COG5: variants seen among roughly 807,000 people sequenced by gnomAD.
The protein encoded by COG5 is component of oligomeric golgi complex 5, also known as conserved oligomeric Golgi complex subunit 5.
In COG5, 86 loss-of-function variants were observed where a neutral mutation model predicts 110.4. That is an observed-to-expected ratio of 0.78 (90% CI 0.65 to 0.93). The LOEUF (loss-of-function observed/expected upper bound fraction) is 0.93. COG5 is among the 40% of genes least tolerant of loss of function. The pLI is 0.00. For missense variants in COG5, 1,077 were observed against 987.0 expected (o/e 1.09, Z -1.22); for synonymous variants, 360 against 334.6 (o/e 1.08, Z -0.83).
At chr7:107,301,883 C>T (rs913574076) in intron 11 of COG5, among the ~76,000 whole-genome samples, 2 of 151,950 alleles carry the variant, frequency 1.3e-5, no homozygotes, top group Admixed American at 1.3e-4. Context: ...AAAAAATGAC[C>T]ATATCAAATA....
chr7:107,542,429 T>A (rs150579973), intron 5 of COG5, among the ~76,000 whole-genome samples: 10 of 152,302 alleles, frequency 6.6e-5, no homozygotes, highest in Admixed American at 2.0e-4. Context: ...TGATAGCATA[T>A]GTGGTATAAC....
intron 10 of COG5, among the ~76,000 whole-genome samples, chr7:107,332,508 G>A (rs1360666037): frequency 6.6e-6 from 1 of 151,996 alleles, no homozygotes; most frequent in Non-Finnish European, 1.5e-5. Flanking sequence ...GGGATGAAGA[G>A]GAGGAGGAAT....
At chr7:107,394,634 G>T (rs919704110) in intron 7 of COG5, among the ~76,000 whole-genome samples, 35 of 152,154 alleles carry the variant, frequency 2.3e-4, no homozygotes, top group African/African-American at 7.7e-4. Flanking sequence ...AAAGCCATAG[G>T]CTAATATGAG....
chr7:107,226,077 A>C (rs1188284850), intron 19 of COG5, among the ~76,000 whole-genome samples: 1 of 152,132 alleles, frequency 6.6e-6, no homozygotes, highest in Non-Finnish European at 1.5e-5. Flanking sequence ...AAAATAGTAG[A>C]GGTCATACCA....
chr7:107,462,543 A>G (rs1796060338), intron 6 of COG5, among the ~76,000 whole-genome samples: 1 of 151,574 alleles, frequency 6.6e-6, no homozygotes. Flanking sequence ...CCCAGAGGGA[A>G]AGGCAACAAC....
intron 6 of COG5, among the ~76,000 whole-genome samples, chr7:107,445,589 G>A (rs895470166): frequency 4.6e-5 from 7 of 152,088 alleles, no homozygotes; most frequent in Non-Finnish European, 8.8e-5. Flanking sequence ...AAACTAACTA[G>A]CAAGTACTTA....
At chr7:107,475,085 G>C in intron 6 of COG5, 1 of 1,612,884 alleles carries the variant, frequency 6.2e-7, no homozygotes, top group Non-Finnish European at 8.5e-7. Flanking sequence ...TTAGGCCCAA[G>C]TGACCTTTTA....
At chr7:107,498,648 T>C (rs1242144024) in intron 6 of COG5, among the ~76,000 whole-genome samples, 2 of 152,092 alleles carry the variant, frequency 1.3e-5, no homozygotes, top group East Asian at 3.8e-4. Context: ...AACAGACACG[T>C]GCTGGTGAGG....
intron 7 of COG5, among the ~76,000 whole-genome samples, chr7:107,382,743 G>T (rs977921019): frequency 2.6e-5 from 4 of 152,128 alleles, no homozygotes; most frequent in African/African-American, 9.7e-5. Context: ...CCAGCCTAAA[G>T]TCTATTTTTC....
rs780715317 is a variant in COG5, at chr7:107,352,011, CAT to C, written c.1026+10020_1026+10021del. ...ACGCTGCTATAAAGACACATGCACA[CAT>C]GTTTATTGCGGCACTATTCACAATA... On this transcript the variant is annotated intron_variant, in intron 10 of 21. Transcript: ENST00000297135. 2.5e-4 allele frequency among the ~76,000 whole-genome samples: 33 copies of C among 134,002 alleles called. 2 individuals are homozygous for C. The highest frequency in any genetic ancestry group is 7.6e-4 in the Admixed American group (10 of 13,124). 87.9% of individuals were successfully genotyped at this position (134,002 alleles called of 152,430 possible).
chr7:107,273,293 G>A (rs1463545828), intron 14 of COG5, among the ~76,000 whole-genome samples: 2 of 152,154 alleles, frequency 1.3e-5, no homozygotes, highest in African/African-American at 2.4e-5. Flanking sequence ...ATGAGTACAG[G>A]TATATCTTTA....
chr7:107,220,873 A>AGT (rs1799874219), intron 19 of COG5, among the ~76,000 whole-genome samples: 2 of 142,566 alleles, frequency 1.4e-5, no homozygotes, highest in South Asian at 2.2e-4. Flanking sequence ...GCTGGAATGC[A>AGT]GTGGTGCAAT....
At chr7:107,558,184 A>C in intron 1 of COG5, 69 bp from the exon 2 acceptor site, 1 of 1,477,262 alleles carries the variant, frequency 6.8e-7, no homozygotes, top group Admixed American at 1.7e-5. Context: ...AAACAACAGA[A>C]CAATTATAAT....
intron 14 of COG5, among the ~76,000 whole-genome samples, chr7:107,271,229 C>T (rs1231380888): frequency 6.6e-6 from 1 of 152,016 alleles, no homozygotes; most frequent in African/African-American, 2.4e-5. Flanking sequence ...CTGGGCAACA[C>T]AGCAAGACTC....
chr7:107,434,591 A>C lies in COG5; in HGVS notation c.539-21959T>G, dbSNP rs137904394. On this transcript the variant is annotated intron_variant, in intron 6 of 21. Coordinates refer to ENST00000297135, the MANE Select transcript of COG5 (RefSeq NM_006348.5). ...TCCCAAAAACCTATTGAAATAAAAAATAAATTAAGAGATAAAATTTTAAAA... is the reference window on the plus strand; with the variant it reads ...TCCCAAAAACCTATTGAAATAAAAACTAAATTAAGAGATAAAATTTTAAAA... Among the ~76,000 whole-genome samples, 541 of 152,336 alleles carry C rather than the reference A, an allele frequency of 3.6e-3. 7 individuals are homozygous for C. The highest frequency in any genetic ancestry group is 0.012 in the African/African-American group (486 of 41,584).
intron 6 of COG5, among the ~76,000 whole-genome samples, chr7:107,422,192 C>T (rs1247489716): frequency 6.6e-6 from 1 of 152,094 alleles, no homozygotes; most frequent in Non-Finnish European, 1.5e-5. Context: ...TTGTAATCTC[C>T]TAGTAATACC....
intron 11 of COG5, among the ~76,000 whole-genome samples, chr7:107,308,880 C>T (rs912662498): frequency 2.0e-5 from 3 of 152,038 alleles, no homozygotes; most frequent in Non-Finnish European, 4.4e-5. Flanking sequence ...GTTTTCTGAG[C>T]CCTTTCAATA....
intron 10 of COG5, among the ~76,000 whole-genome samples, chr7:107,338,216 T>G (rs1240138469): frequency 2.6e-5 from 4 of 152,110 alleles, no homozygotes; most frequent in African/African-American, 9.7e-5. Flanking sequence ...AAAACAAAAC[T>G]AGTGGTCTCA....
At position 107,454,840 on chromosome 7, in the gene COG5, GA is replaced by G. The variant is rs202037065; in HGVS notation, c.539-42209del. Among the ~76,000 whole-genome samples, 55 of 148,010 alleles carry G rather than the reference GA, an allele frequency of 3.7e-4. 1 individual carries two copies. Among genetic ancestry groups the G allele is most frequent in the South Asian group, 8.6e-4 (4 of 4,678 alleles). ...CTAGTCTGATTCCTAAAATTAAAAA[GA>G]AAAAAAAAATCTGTACTTAATATTT... On this transcript the variant is annotated intron_variant, in intron 6 of 21. Coordinates refer to ENST00000297135, the MANE Select transcript of COG5 (RefSeq NM_006348.5).
Sources: gnomAD v4.1 joint callset for allele counts (sites outside exome capture counted in the v4.1 genomes callset) on GRCh38, gnomAD v4.1.1 for gene constraint, MANE v1.5 for transcripts, NCBI Gene and HGNC (gene_info 2026-07-23, HGNC 2026-07-21) for gene names.